Variants in SDK1 observed in about 807,000 individuals in gnomAD.
SDK1 encodes sidekick cell adhesion molecule 1.
A neutral mutation model predicts 245.5 loss-of-function variants in SDK1; 157 were observed. The observed-to-expected ratio is 0.64, with a 90% CI of 0.56 to 0.73. The LOEUF (loss-of-function observed/expected upper bound fraction) is 0.73, where lower values mean the gene tolerates loss of function less well. Ranked by LOEUF, SDK1 falls within the 30% of genes least tolerant of loss-of-function variation. The pLI is 0.00. For missense variants in SDK1, 3,583 were observed against 3,002.3 expected (o/e 1.19, Z -4.52); for synonymous variants, 1,647 against 1,278.5 (o/e 1.29, Z -6.15).
At chr7:3,391,140 A>G (rs11979010) in intron 1 of SDK1, among the ~76,000 whole-genome samples, 7,062 of 152,292 alleles carry the variant, frequency 0.046, 509 homozygotes, top group African/African-American at 0.15. Context: ...TACCAGATCA[A>G]GAGGGGACAA....
intron 44 of SDK1, among the ~76,000 whole-genome samples, chr7:4,246,499 A>C (rs1360823570): frequency 6.6e-6 from 1 of 152,052 alleles, no homozygotes; most frequent in Non-Finnish European, 1.5e-5. Flanking sequence ...AGCGGGTCTG[A>C]TCCTGCAGGG....
intron 14 of SDK1, among the ~76,000 whole-genome samples, chr7:3,989,397 A>G (rs1158975692): frequency 6.6e-6 from 1 of 152,146 alleles, no homozygotes; most frequent in African/African-American, 2.4e-5. Context: ...TCCCTCCCAC[A>G]ACTCATGGGA....
intron 1 of SDK1, among the ~76,000 whole-genome samples, chr7:3,436,563 A>T (rs117651350): frequency 3.8e-3 from 574 of 152,324 alleles, no homozygotes; most frequent in Non-Finnish European, 5.2e-3. Context: ...AACTGAGGTG[A>T]TAAAAAATGA....
At chr7:3,527,954 T>TATTC (rs1783203945) in intron 1 of SDK1, among the ~76,000 whole-genome samples, 1 of 136,448 alleles carries the variant, frequency 7.3e-6, no homozygotes, top group African/African-American at 2.8e-5. Flanking sequence ...AGTTGGATGA[T>TATTC]AGCTAGCGGG....
chr7:3,892,941 G>T (rs142873795), intron 5 of SDK1, among the ~76,000 whole-genome samples: 1 of 152,148 alleles, frequency 6.6e-6, no homozygotes, highest in East Asian at 1.9e-4. Flanking sequence ...CTCTGCCAGC[G>T]CACTTCACAT....
At chr7:4,110,080 C>A (rs1783238740) in intron 22 of SDK1, among the ~76,000 whole-genome samples, 1 of 152,124 alleles carries the variant, frequency 6.6e-6, no homozygotes, top group African/African-American at 2.4e-5. Flanking sequence ...TTCTTTAAAT[C>A]TTAAGGGGAC....
chr7:4,085,776 A>T (rs1433196313), intron 22 of SDK1, among the ~76,000 whole-genome samples: 1 of 152,084 alleles, frequency 6.6e-6, no homozygotes, highest in Non-Finnish European at 1.5e-5. Flanking sequence ...GCTGGTCTTG[A>T]ACTCCTAACC....
At chr7:3,984,775 G>T (rs1365346546) in intron 13 of SDK1, among the ~76,000 whole-genome samples, 1 of 152,140 alleles carries the variant, frequency 6.6e-6, no homozygotes, top group Non-Finnish European at 1.5e-5. Context: ...ATGGTCATCT[G>T]ACATTGTGTC....
At chr7:3,773,156 TC>T (rs1780450935) in intron 4 of SDK1, among the ~76,000 whole-genome samples, 1 of 152,226 alleles carries the variant, frequency 6.6e-6, no homozygotes, top group South Asian at 2.1e-4. Flanking sequence ...CTCTTCTTTT[TC>T]TAGGACTCCC....
At chr7:3,445,659 CTA>C in intron 1 of SDK1, among the ~76,000 whole-genome samples, 1 of 152,214 alleles carries the variant, frequency 6.6e-6, no homozygotes, top group African/African-American at 2.4e-5. Context: ...ATGTGTGGTT[CTA>C]TGTCATTTTA....
chr7:3,798,173 C>G (rs536973160), intron 4 of SDK1, among the ~76,000 whole-genome samples: 1 of 145,732 alleles, frequency 6.9e-6, no homozygotes, highest in Admixed American at 6.9e-5. Flanking sequence ...CTGTAGACTT[C>G]TCCAATCTGT....
chr7:3,597,026 T>G (rs1162853097), intron 1 of SDK1, among the ~76,000 whole-genome samples: 2 of 152,040 alleles, frequency 1.3e-5, no homozygotes, highest in Non-Finnish European at 2.9e-5. Context: ...ACCCCAGCAC[T>G]TTGGGAGGCC....
chr7:3,757,485 C>G (rs147136440), intron 4 of SDK1, among the ~76,000 whole-genome samples: 132 of 152,270 alleles, frequency 8.7e-4, no homozygotes, highest in African/African-American at 3.1e-3. Context: ...AGTCCTCCCA[C>G]TTTGGCCTCC....
chr7:4,091,637 C>A (rs935803888), intron 22 of SDK1, among the ~76,000 whole-genome samples: 7 of 152,220 alleles, frequency 4.6e-5, no homozygotes, highest in Admixed American at 4.6e-4. Flanking sequence ...CCACTGCACC[C>A]TGCCAACAGC....
chr7:3,601,753 T>A (rs551753668), intron 1 of SDK1, among the ~76,000 whole-genome samples: 2 of 152,062 alleles, frequency 1.3e-5, no homozygotes, highest in Admixed American at 1.3e-4. Context: ...TGTATACATG[T>A]GCCATGTTGG....
intron 1 of SDK1, among the ~76,000 whole-genome samples, chr7:3,511,166 T>A (rs1371327354): frequency 1.3e-5 from 2 of 152,214 alleles, no homozygotes; most frequent in Non-Finnish European, 2.9e-5. Flanking sequence ...GTTACACTTG[T>A]TTCTGCTCAC....
chr7:3,673,834 A>G (rs1783800204), intron 4 of SDK1, among the ~76,000 whole-genome samples: 1 of 152,232 alleles, frequency 6.6e-6, no homozygotes, highest in Admixed American at 6.5e-5. Flanking sequence ...GAATTATATC[A>G]TAAAACTGAG....
rs563698651 is a variant in SDK1, at chr7:3,840,754, T to C, written c.847+19171T>C. Among the ~76,000 whole-genome samples the C allele has an allele frequency of 2.0e-5, 3 of 152,336 alleles. No homozygotes were observed. In the South Asian group the frequency reaches 6.2e-4, roughly 32 times the overall value. Reference sequence around the variant, plus strand: ...CTCAGAAGGTTTATGGCAGAGCTACTCGCAGTATGATCCGAGAATCGCGAG... The same window carrying C: ...CTCAGAAGGTTTATGGCAGAGCTACCCGCAGTATGATCCGAGAATCGCGAG... On this transcript the variant is annotated intron_variant, in intron 5 of 44. Coordinates refer to ENST00000404826, the MANE Select transcript of SDK1 (RefSeq NM_152744.4).
Position 4,268,544 on chromosome 7 carries a change from G to A in SDK1, c.*3160G>A, listed in dbSNP as rs866819664. 6 of 1,282,944 alleles carry A rather than the reference G, an allele frequency of 4.7e-6. No homozygotes were observed. Among genetic ancestry groups the A allele is most frequent in the African/African-American group, 3.0e-5 (2 of 66,006 alleles). The allele number at this position is 1,282,944 out of a possible 1,614,324, so 79.5% of individuals were successfully genotyped here. A position where few individuals can be genotyped will look rare whatever the true frequency, so the allele number is the denominator to read the frequency against. ...GCCACACACGGAACGCGCCTCCACA[G>A]CCCCGGGAGGTGGCTCACTCTGTAC... On this transcript the variant is annotated 3_prime_UTR_variant, in exon 45 of 45. Coordinates refer to ENST00000404826, the MANE Select transcript of SDK1 (RefSeq NM_152744.4).
Sources: allele counts gnomAD v4.1 joint callset (sites outside exome capture counted in the v4.1 genomes callset), GRCh38; gene constraint gnomAD v4.1.1; transcripts MANE v1.5; gene names NCBI Gene and HGNC (gene_info 2026-07-23, HGNC 2026-07-21).